The following PNLIPRP3 variants were observed in gnomAD, a reference collection of about 807,000 sequenced individuals.
PNLIPRP3 encodes pancreatic lipase related protein 3.
In PNLIPRP3, 58 loss-of-function variants were observed where a neutral mutation model predicts 52.8. The ratio of observed to expected loss-of-function variants is 1.10; its 90% confidence interval spans 0.89 to 1.37. PNLIPRP3 has a LOEUF of 1.37. PNLIPRP3 is among the 40% of genes most tolerant of loss of function. PNLIPRP3 has a pLI of 0.00. For synonymous variants in PNLIPRP3, 192 were observed against 185.0 expected (o/e 1.04, Z -0.31); for missense variants, 593 against 561.6 (o/e 1.06, Z -0.57).
intron 4 of PNLIPRP3, among the ~76,000 whole-genome samples, chr10:116,454,340 G>A (rs953718361): frequency 3.9e-5 from 6 of 151,970 alleles, no homozygotes; most frequent in Non-Finnish European, 7.4e-5. Flanking sequence ...GGCTGGTCTC[G>A]AACTCCTGAC....
chr10:116,441,556 G>A (rs1391526132), intron 2 of PNLIPRP3, among the ~76,000 whole-genome samples: 1 of 152,108 alleles, frequency 6.6e-6, no homozygotes, highest in Admixed American at 6.6e-5. Flanking sequence ...TACTTGGATT[G>A]GATTATTTAG....
At chr10:116,472,995 G>A (rs1227215217) in intron 10 of PNLIPRP3, among the ~76,000 whole-genome samples, 1 of 152,248 alleles carries the variant, frequency 6.6e-6, no homozygotes, top group Non-Finnish European at 1.5e-5. Context: ...GAGGCTCACA[G>A]GACGCTGGGT....
chr10:116,477,279 G>C lies in PNLIPRP3; in HGVS notation c.*126G>C, dbSNP rs1846488342. The C allele has an allele frequency of 1.5e-6, 1 of 675,088 alleles. No homozygotes were observed. The highest frequency in any genetic ancestry group is 3.2e-5 in the Admixed American group (1 of 31,554). 41.8% of individuals were successfully genotyped at this position (675,088 alleles called of 1,614,324 possible). A position where few individuals can be genotyped will look rare whatever the true frequency, so the allele number is the denominator to read the frequency against. ...TAGTCATTTACAAGGGTCTTACTCA[G>C]AGTCAAGTACGGGTTTGCTTTTTTT... On this transcript the variant is annotated 3_prime_UTR_variant, in exon 12 of 12. Coordinates refer to ENST00000369230, the MANE Select transcript of PNLIPRP3 (RefSeq NM_001011709.3).
At chr10:116,463,441 G>A (rs982068963) in intron 7 of PNLIPRP3, among the ~76,000 whole-genome samples, 2 of 152,192 alleles carry the variant, frequency 1.3e-5, no homozygotes, top group Non-Finnish European at 2.9e-5. Context: ...TCTCTCCCCA[G>A]ACAGGTAGCC....
intron 7 of PNLIPRP3, among the ~76,000 whole-genome samples, chr10:116,463,571 C>T (rs1465799825): frequency 6.6e-6 from 1 of 152,128 alleles, no homozygotes; most frequent in Non-Finnish European, 1.5e-5. Context: ...TGGTTCTTTG[C>T]TACTGGGCAA....
chr10:116,445,616 A>C (rs547650969), intron 4 of PNLIPRP3, among the ~76,000 whole-genome samples: 1 of 151,800 alleles, frequency 6.6e-6, no homozygotes, highest in Non-Finnish European at 1.5e-5. Flanking sequence ...TTAGGGCCTG[A>C]GCTGTGGGCT....
Position 116,443,111 on chromosome 10 carries a change from G to A in PNLIPRP3, c.261G>A (p.Lys87=). 1 of 1,611,568 alleles carries A rather than the reference G, an allele frequency of 6.2e-7. No individual in the cohort carries two copies. Among genetic ancestry groups the A allele is most frequent in the Non-Finnish European group, 8.5e-7 (1 of 1,178,176 alleles). Residue 87 remains lysine, a synonymous_variant, in exon 3 of 12, where the codon AAG becomes AAA. Transcript: ENST00000369230. ...TIQASYFGTD[K]ITRINIAGWK... ...AAGCCTCATATTTTGGAACAGACAA[G>A]ATCACCCGTATCAACATAGCTGGAT...
chr10:116,472,390 T>G (rs569139665), intron 10 of PNLIPRP3, among the ~76,000 whole-genome samples: 1 of 152,356 alleles, frequency 6.6e-6, no homozygotes, highest in East Asian at 1.9e-4. Flanking sequence ...ATCTTGAAAT[T>G]TTCTTAATCT....
Position 116,461,294 on chromosome 10 carries a change from A to C in PNLIPRP3, c.808+4A>C. ...AACTTCAATGCTTACAAAAAAGGTAAATACTTTCTAAACTATGAATGCTAC... is the reference window on the plus strand; with the variant it reads ...AACTTCAATGCTTACAAAAAAGGTACATACTTTCTAAACTATGAATGCTAC... On this transcript the variant is annotated splice_donor_region_variant and intron_variant, in intron 7 of 11. Coordinates refer to ENST00000369230, the MANE Select transcript of PNLIPRP3 (RefSeq NM_001011709.3). 6.2e-7 allele frequency: 1 copy of C among 1,610,606 alleles called. No individual in the cohort carries two copies.
intron 5 of PNLIPRP3, among the ~76,000 whole-genome samples, chr10:116,456,898 C>T (rs1313468466): frequency 1.3e-5 from 2 of 152,182 alleles, no homozygotes; most frequent in South Asian, 2.1e-4. Flanking sequence ...CCTTGGTCCC[C>T]GCTGGTGCCC....
At chr10:116,469,802 A>C (rs759133966) in intron 9 of PNLIPRP3, among the ~76,000 whole-genome samples, 1 of 152,286 alleles carries the variant, frequency 6.6e-6, no homozygotes, top group African/African-American at 2.4e-5. Flanking sequence ...TTGTGTCCCA[A>C]GTGGAGAGGT....
In PNLIPRP3 at chr10:116,461,024, CT is replaced by C. The variant is rs1696045242; in HGVS notation, c.625del (p.Ser209ArgfsTer47). On this transcript the variant is annotated frameshift_variant, in exon 6 of 12. Transcript: ENST00000369230. LOFTEE classifies it high-confidence loss of function. ...CTCCAAAGGAAGTCAGGCTAGACCC[CT>C]CGGATGCCAACTTTGTTGACGTTAT... ...NTPKEVRLDP[S>X]DANFVDVIHT... 6.2e-7 allele frequency: 1 copy of C among 1,613,788 alleles called. No homozygotes were observed.
chr10:116,467,981 C>T lies in PNLIPRP3; in HGVS notation c.928-1204C>T, dbSNP rs560758675. ...TCTACTAAAAATACAAAAAATTAGC[C>T]GGGCGTGGTGGCGGGTGCCTGTAGT... On this transcript the variant is annotated intron_variant, in intron 8 of 11. Transcript: ENST00000369230. Among the ~76,000 whole-genome samples the T allele has an allele frequency of 2.0e-4, 30 of 151,640 alleles. No individual in the cohort carries two copies. In the East Asian group the frequency reaches 5.1e-3, roughly 26 times the overall value.
At chr10:116,454,000 G>A (rs1048380976) in intron 4 of PNLIPRP3, among the ~76,000 whole-genome samples, 2 of 151,808 alleles carry the variant, frequency 1.3e-5, no homozygotes, top group African/African-American at 4.8e-5. Context: ...TGTTCTCATT[G>A]TTCAACTCCC....
chr10:116,470,245 A>G lies in PNLIPRP3; in HGVS notation c.1060+928A>G, dbSNP rs1370906994. On this transcript the variant is annotated intron_variant, in intron 9 of 11. Transcript: ENST00000369230. ...TGAGGCAGGTAGAGATACGGATCTC[A>G]GCCTCTGGAAATGGATGTGTTCTAC... Among the ~76,000 whole-genome samples the G allele has an allele frequency of 2.6e-5, 4 of 152,242 alleles. No individual in the cohort carries two copies. The East Asian group carries it at 7.8e-4, about 30-fold the overall frequency.
At chr10:116,467,511 C>CT (rs1373252788) in intron 8 of PNLIPRP3, among the ~76,000 whole-genome samples, 1 of 152,154 alleles carries the variant, frequency 6.6e-6, no homozygotes, top group Non-Finnish European at 1.5e-5. Context: ...TCAAGCACTG[C>CT]TACCCATGTT....
chr10:116,457,994 G>A (rs1207222979), intron 5 of PNLIPRP3, among the ~76,000 whole-genome samples: 1 of 151,988 alleles, frequency 6.6e-6, no homozygotes, highest in Non-Finnish European at 1.5e-5. Flanking sequence ...AGTAATAGAA[G>A]AACTGAGACC....
intron 3 of PNLIPRP3, among the ~76,000 whole-genome samples, 167 bp from the exon 4 acceptor site, chr10:116,444,215 T>C (rs1018319129): frequency 2.0e-5 from 3 of 152,028 alleles, no homozygotes; most frequent in Admixed American, 6.6e-5. Context: ...GACGTGCAGA[T>C]TATGGGGATT....
chr10:116,461,217 A>T lies in PNLIPRP3; in HGVS notation c.735A>T (p.Gly245=), dbSNP rs750646819. The T allele has an allele frequency of 1.8e-5, 29 of 1,613,938 alleles. No individual in the cohort carries two copies. The highest frequency in any genetic ancestry group is 2.5e-5 in the Non-Finnish European group (29 of 1,179,940). Residue 245 remains glycine (G), a synonymous_variant, in exon 7 of 12, where the codon GGA becomes GGT. Transcript: ENST00000369230. The part of the protein sequence containing the change: ...ACGHLDFYPN[G]GKHMPGCEDL... The stretch of plus-strand genomic sequence containing the variant: ...GTCATCTTGACTTTTACCCAAATGG[A>T]GGGAAGCACATGCCAGGATGTGAAG...
Sources: gnomAD v4.1 joint callset for allele counts (sites outside exome capture counted in the v4.1 genomes callset) on GRCh38, gnomAD v4.1.1 for gene constraint, MANE v1.5 for transcripts, NCBI Gene and HGNC (gene_info 2026-07-23, HGNC 2026-07-21) for gene names.